Variants in RNF216 observed in about 807,000 individuals in gnomAD.
RNF216 encodes E3 ubiquitin-protein ligase RNF216.
A neutral mutation model predicts 110.8 loss-of-function variants in RNF216; 72 were observed. The observed-to-expected ratio is 0.65, with a 90% CI of 0.54 to 0.79. The LOEUF (loss-of-function observed/expected upper bound fraction) is 0.79, where lower values mean the gene tolerates loss of function less well. Among genes scored for constraint, RNF216 ranks in the 30% least tolerant of loss-of-function variants. The pLI is 0.00. For synonymous variants in RNF216, 495 were observed against 407.5 expected (o/e 1.21, Z -2.59); for missense variants, 1,342 against 1,141.2 (o/e 1.18, Z -2.54).
At chr7:5,770,220 C>T (rs1796425688) in intron 1 of RNF216, among the ~76,000 whole-genome samples, 1 of 150,636 alleles carries the variant, frequency 6.6e-6, no homozygotes, top group Non-Finnish European at 1.5e-5. Context: ...CCAGCACTTT[C>T]GGAGGCCAAG....
chr7:5,625,280 G>A (rs1204941510), intron 15 of RNF216, among the ~76,000 whole-genome samples: 1 of 152,240 alleles, frequency 6.6e-6, no homozygotes, highest in African/African-American at 2.4e-5. Context: ...GAGAAGGATG[G>A]GGAGGGATGG....
Position 5,720,136 on chromosome 7 carries a change from G to C in RNF216, c.1644+897C>G, listed in dbSNP as rs142939679. On this transcript the variant is annotated intron_variant, in intron 9 of 16. Transcript: ENST00000389902. Reference sequence around the variant, plus strand: ...AAGGCACCACTGCTTTTGTTCTGCTGGTACAAACTCAATATGGTGAAAAAG... The same window carrying C: ...AAGGCACCACTGCTTTTGTTCTGCTCGTACAAACTCAATATGGTGAAAAAG... Among the ~76,000 whole-genome samples the C allele has an allele frequency of 3.8e-3, 585 of 152,278 alleles. 3 individuals carry two copies. The highest frequency in any genetic ancestry group is 0.014 in the African/African-American group (565 of 41,548).
At position 5,622,925 on chromosome 7, in the gene RNF216, T is replaced by C; in HGVS notation, c.2707A>G (p.Ile903Val). The C allele has an allele frequency of 1.9e-6, 3 of 1,613,530 alleles. No individual in the cohort carries two copies. The highest frequency in any genetic ancestry group is 2.5e-6 in the Non-Finnish European group (3 of 1,179,754). ...NVRVNYDFGP[I>V]HMPLEHNLPM... is the part of the protein sequence containing the mutation. ...AGGTTGTGCTCCAGGGGCATGTGGA[T>C]GGGACCGAAGTCATAGTTGACCCGC... The change falls in exon 17 of 17, where the codon ATC (isoleucine) becomes GTC (valine). Residue 903 changes from isoleucine to valine, a missense_variant. Physicochemically the swap from Ile to Val is conservative, Grantham distance 29. Transcript: ENST00000389902.
At chr7:5,657,820 A>G (rs1788841455) in intron 13 of RNF216, among the ~76,000 whole-genome samples, 1 of 152,142 alleles carries the variant, frequency 6.6e-6, no homozygotes, top group Non-Finnish European at 1.5e-5. Context: ...TTATGCTGCA[A>G]CCCCTGAGAA....
chr7:5,648,440 G>A (rs1788180157), intron 14 of RNF216, among the ~76,000 whole-genome samples: 1 of 151,158 alleles, frequency 6.6e-6, no homozygotes. Flanking sequence ...AAATTGAAGG[G>A]ACAGGCCAGG....
chr7:5,630,710 C>T (rs852452), intron 15 of RNF216, among the ~76,000 whole-genome samples: 101,267 of 152,000 alleles, frequency 0.67, 34,575 homozygotes, highest in East Asian at 0.97. Flanking sequence ...TCTTATAAAG[C>T]GCCAAGCACA....
chr7:5,690,188 A>T (rs576204483), intron 13 of RNF216, among the ~76,000 whole-genome samples: 32 of 151,690 alleles, frequency 2.1e-4, no homozygotes, highest in African/African-American at 6.8e-4. Flanking sequence ...TTAGCCAGGC[A>T]TGGTGGTGCA....
intron 14 of RNF216, 67 bp downstream of exon 14, chr7:5,652,346 T>C (rs2128576897): frequency 4.3e-6 from 5 of 1,151,646 alleles, no homozygotes; most frequent in East Asian, 4.7e-5. Context: ...ATGCCCTCTC[T>C]ACCAAAAAGC....
At chr7:5,706,162 G>T (rs544454321) in intron 13 of RNF216, among the ~76,000 whole-genome samples, 7 of 149,338 alleles carry the variant, frequency 4.7e-5, no homozygotes, top group African/African-American at 1.5e-4. Flanking sequence ...GGAGGTTGCA[G>T]TGAGCTGAGA....
chr7:5,622,082 C>A lies in RNF216; in HGVS notation c.*778G>T, dbSNP rs1786401591. On this transcript the variant is annotated 3_prime_UTR_variant, in exon 17 of 17. Transcript: ENST00000389902. ...CTCCCCCAGCAGTTGGGCTGCCCAG[C>A]AGGGCCACCAGGCCTCTGTCCCAGC... 1 of 152,398 alleles carries A rather than the reference C, an allele frequency of 6.6e-6. No homozygotes were observed. Among genetic ancestry groups the A allele is most frequent in the Non-Finnish European group, 1.5e-5 (1 of 68,192 alleles). The allele number at this position is 152,398 out of a possible 1,614,324, so 9.4% of individuals were successfully genotyped here.
intron 16 of RNF216, among the ~76,000 whole-genome samples, 175 bp downstream of exon 16, chr7:5,623,881 T>G (rs766309670): frequency 2.0e-5 from 3 of 152,150 alleles, no homozygotes; most frequent in Non-Finnish European, 4.4e-5. Flanking sequence ...GTTGAAGGCC[T>G]TTCCATAAGC....
chr7:5,750,939 C>T (rs969071665), intron 3 of RNF216, among the ~76,000 whole-genome samples: 1 of 151,822 alleles, frequency 6.6e-6, no homozygotes, highest in African/African-American at 2.4e-5. Context: ...TTCTTGCTTG[C>T]ACACAGATAA....
intron 15 of RNF216, among the ~76,000 whole-genome samples, chr7:5,629,826 CAAAAAAAAAAAAAA>C (rs34172457): frequency 3.7e-5 from 2 of 54,046 alleles, no homozygotes; most frequent in South Asian, 1.7e-3. Context: ...GACTCTGTCT[CAAAAAAAAAAAAAA>C]AAAAAAAAAG....
chr7:5,767,866 TG>T (rs1270246798), intron 1 of RNF216, among the ~76,000 whole-genome samples: 2 of 152,156 alleles, frequency 1.3e-5, no homozygotes, highest in African/African-American at 2.4e-5. Context: ...CCCAAAGTAC[TG>T]GGATTACAGG....
rs151144599 is a variant in RNF216 at position 5,647,025 on chromosome 7, T to C, written c.2159+5388A>G. On this transcript the variant is annotated intron_variant, in intron 14 of 16. Coordinates refer to ENST00000389902, the MANE Select transcript of RNF216 (RefSeq NM_207111.4). ...TCTTGGCTTGCCCATGTGTTACTCA[T>C]TGCCTCAGGCAGCTGCAGCTGGTAC... 2.7e-3 allele frequency among the ~76,000 whole-genome samples: 416 copies of C among 152,276 alleles called. 1 individual carries two copies. Among genetic ancestry groups the C allele is most frequent in the African/African-American group, 9.5e-3 (393 of 41,566 alleles).
At chr7:5,641,591 G>A (rs989706468) in intron 14 of RNF216, among the ~76,000 whole-genome samples, 1 of 152,126 alleles carries the variant, frequency 6.6e-6, no homozygotes, top group East Asian at 1.9e-4. Flanking sequence ...TGGAGACTCA[G>A]TTTCCTCATT....
At chr7:5,711,655 C>A in intron 13 of RNF216, 106 bp downstream of exon 13, 2 of 862,848 alleles carry the variant, frequency 2.3e-6, no homozygotes, top group Non-Finnish European at 3.7e-6. Context: ...GCACTCAAAT[C>A]CTTCTTATAC....
At chr7:5,731,125 T>C (rs888677878) in intron 5 of RNF216, among the ~76,000 whole-genome samples, 18 of 152,204 alleles carry the variant, frequency 1.2e-4, no homozygotes, top group Admixed American at 2.0e-4. Context: ...TTGGTTAAAC[T>C]ACAAAACTGG....
At chr7:5,688,644 T>C (rs930731297) in intron 13 of RNF216, among the ~76,000 whole-genome samples, 6 of 152,234 alleles carry the variant, frequency 3.9e-5, no homozygotes, top group Admixed American at 2.0e-4. Flanking sequence ...GAAGGCTCAC[T>C]CTGCGCACCT....
Sources: gnomAD v4.1 joint callset for allele counts (sites outside exome capture counted in the v4.1 genomes callset) on GRCh38, gnomAD v4.1.1 for gene constraint, MANE v1.5 for transcripts, NCBI Gene and HGNC (gene_info 2026-07-23, HGNC 2026-07-21) for gene names.